Variants in DLGAP2 observed in about 807,000 individuals in gnomAD.
DLGAP2 encodes DLG associated protein 2.
DLGAP2 carries 26 observed loss-of-function variants against 100.3 expected under a neutral mutation model. The observed-to-expected ratio is 0.26, with a 90% CI of 0.19 to 0.36. The LOEUF (loss-of-function observed/expected upper bound fraction) is 0.36, where lower values mean the gene tolerates loss of function less well. Ranked by LOEUF, DLGAP2 falls within the 10% of genes least tolerant of loss-of-function variation. The pLI is 1.00. For synonymous variants in DLGAP2, 886 were observed against 630.1 expected (o/e 1.41, Z -6.08); for missense variants, 1,858 against 1,453.2 (o/e 1.28, Z -4.53).
chr8:1,287,715 G>A (rs1799971970), intron 3 of DLGAP2, among the ~76,000 whole-genome samples: 7 of 9,274 alleles, frequency 7.5e-4, no homozygotes, highest in African/African-American at 2.1e-3. Flanking sequence ...GTGTGTGTGT[G>A]TGTGTATGTG....
intron 2 of DLGAP2, among the ~76,000 whole-genome samples, chr8:1,144,964 G>A (rs926270657): frequency 3.3e-5 from 5 of 152,144 alleles, no homozygotes; most frequent in Admixed American, 2.6e-4. Context: ...TCAGACCGCA[G>A]ACGGCCTGTA....
rs565127987 is a variant in DLGAP2 at position 1,188,988 on chromosome 8, G to A, written c.74-69863G>A. Among the ~76,000 whole-genome samples, 11 of 150,396 alleles carry A rather than the reference G, an allele frequency of 7.3e-5. No individual in the cohort carries two copies. In the East Asian group the frequency reaches 1.7e-3, roughly 24 times the overall value. On this transcript the variant is annotated intron_variant, in intron 2 of 14. Transcript: ENST00000637795. ...GTACACAGGGTTCGGGCCCCAGGCC[G>A]GTTCCGCGGTTGGGGTTGACCTTAC...
chr8:768,820 G>C (rs1345068223), intron 1 of DLGAP2, among the ~76,000 whole-genome samples: 1 of 152,068 alleles, frequency 6.6e-6, no homozygotes, highest in Non-Finnish European at 1.5e-5. Flanking sequence ...TTTAAAATTG[G>C]CATGCTTTAA....
chr8:793,352 C>G (rs1445805870), intron 1 of DLGAP2, among the ~76,000 whole-genome samples: 1 of 152,132 alleles, frequency 6.6e-6, no homozygotes, highest in African/African-American at 2.4e-5. Flanking sequence ...AATTCTAATC[C>G]TGTTGTCTTT....
At chr8:825,112 A>G (rs1008341203) in intron 1 of DLGAP2, among the ~76,000 whole-genome samples, 1 of 152,172 alleles carries the variant, frequency 6.6e-6, no homozygotes, top group Non-Finnish European at 1.5e-5. Flanking sequence ...AGACCCTGCC[A>G]GAGGAGGGCT....
At chr8:1,273,631 G>A (rs373276613) in intron 3 of DLGAP2, among the ~76,000 whole-genome samples, 1 of 152,174 alleles carries the variant, frequency 6.6e-6, no homozygotes, top group East Asian at 1.9e-4. Context: ...CCCTGGCTCT[G>A]CACAAGCCCT....
Position 1,702,932 on chromosome 8 carries a change from T to A in DLGAP2, c.*1526T>A, listed in dbSNP as rs1799613128. On this transcript the variant is annotated 3_prime_UTR_variant, in exon 15 of 15. Transcript: ENST00000637795. ...TGTACTTAGCCACAGGCAGAATAGC[T>A]TTCGATGACCCCATAGCACTTTGTT... The A allele has an allele frequency of 2.0e-5, 3 of 152,676 alleles. No homozygotes were observed. Among genetic ancestry groups the A allele is most frequent in the Admixed American group, 6.5e-5 (1 of 15,294 alleles). The allele number at this position is 152,676 out of a possible 1,614,324, so 9.5% of individuals were successfully genotyped here.
chr8:1,127,662 C>T (rs1245648508), intron 2 of DLGAP2, among the ~76,000 whole-genome samples: 1 of 152,196 alleles, frequency 6.6e-6, no homozygotes, highest in Non-Finnish European at 1.5e-5. Context: ...TGTCCCTGTG[C>T]AGAACCCTGG....
chr8:973,071 C>G (rs1800058649), intron 2 of DLGAP2, among the ~76,000 whole-genome samples: 1 of 152,242 alleles, frequency 6.6e-6, no homozygotes, highest in Non-Finnish European at 1.5e-5. Flanking sequence ...CCACATTTCC[C>G]CCTTTTCTAT....
intron 8 of DLGAP2, among the ~76,000 whole-genome samples, chr8:1,667,307 A>G (rs1054513693): frequency 2.0e-5 from 3 of 152,170 alleles, no homozygotes; most frequent in South Asian, 2.1e-4. Context: ...GTTATTTAAT[A>G]CAGTCATCAT....
intron 1 of DLGAP2, among the ~76,000 whole-genome samples, chr8:803,478 C>A (rs982344437): frequency 6.6e-6 from 1 of 152,048 alleles, no homozygotes; most frequent in Admixed American, 6.5e-5. Context: ...CTAGCTGCTC[C>A]TGTCCATGGG....
At chr8:977,020 T>C (rs1800182095) in intron 2 of DLGAP2, among the ~76,000 whole-genome samples, 1 of 152,204 alleles carries the variant, frequency 6.6e-6, no homozygotes, top group Non-Finnish European at 1.5e-5. Flanking sequence ...GGAGAAAATA[T>C]TTACAAAACA....
At chr8:776,780 A>T (rs796373302) in intron 1 of DLGAP2, among the ~76,000 whole-genome samples, 2 of 152,158 alleles carry the variant, frequency 1.3e-5, no homozygotes, top group East Asian at 3.9e-4. Context: ...GTATGTGGTC[A>T]GTTTTGGAAT....
Position 1,661,254 on chromosome 8 carries a change from G to A in DLGAP2, c.1811-7075G>A, listed in dbSNP as rs181690785. Among the ~76,000 whole-genome samples the A allele has an allele frequency of 3.9e-4, 59 of 152,272 alleles. No individual in the cohort carries two copies. The South Asian group carries it at 7.7e-3, about 20-fold the overall frequency. ...TCTCCTCATCCCGCTGAGGTGCTGC[G>A]CCTCATGGTGGTGGGGGCTGCAGAC... On this transcript the variant is annotated intron_variant, in intron 8 of 14. Transcript: ENST00000637795.
intron 2 of DLGAP2, among the ~76,000 whole-genome samples, chr8:948,310 C>T (rs1584915152): frequency 6.6e-6 from 1 of 152,356 alleles, no homozygotes; most frequent in South Asian, 2.1e-4. Flanking sequence ...CCTGGCTCCT[C>T]ATGCGTGTCG....
intron 14 of DLGAP2, among the ~76,000 whole-genome samples, 158 bp downstream of exon 14, chr8:1,697,457 C>T (rs963308536): frequency 6.6e-6 from 1 of 152,168 alleles, no homozygotes; most frequent in South Asian, 2.1e-4. Context: ...TGTATACGCA[C>T]ATGTGTGTGC....
At chr8:1,267,603 T>TAAAATAAAATAAAATAA (rs1250229921) in intron 3 of DLGAP2, among the ~76,000 whole-genome samples, 8 of 68,450 alleles carry the variant, frequency 1.2e-4, no homozygotes, top group African/African-American at 7.3e-4. Context: ...TAAGATAAGA[T>TAAAATAAAATAAAATAA]AAGATAAGAT....
At chr8:1,221,879 G>C (rs972761977) in intron 2 of DLGAP2, among the ~76,000 whole-genome samples, 3 of 152,076 alleles carry the variant, frequency 2.0e-5, no homozygotes, top group East Asian at 1.9e-4. Context: ...TCCTCAGCTT[G>C]GTCTATTCTG....
intron 3 of DLGAP2, among the ~76,000 whole-genome samples, chr8:1,480,532 C>A (rs187218756): frequency 5.3e-5 from 8 of 152,214 alleles, no homozygotes; most frequent in Admixed American, 5.2e-4. Flanking sequence ...CAGTGATTTG[C>A]CAAATAAAGA....
Sources: allele counts gnomAD v4.1 joint callset (sites outside exome capture counted in the v4.1 genomes callset), GRCh38; gene constraint gnomAD v4.1.1; transcripts MANE v1.5; gene names NCBI Gene and HGNC (gene_info 2026-07-23, HGNC 2026-07-21).